Variants in PLB1 observed in about 807,000 individuals in gnomAD.
PLB1 encodes the protein phospholipase B1, membrane-associated.
PLB1 carries 242 observed loss-of-function variants against 227.4 expected under a neutral mutation model. The observed-to-expected ratio is 1.06, with a 90% CI of 0.96 to 1.18. The LOEUF (loss-of-function observed/expected upper bound fraction) is 1.18, where lower values mean the gene tolerates loss of function less well. PLB1 is among the 50% of genes most tolerant of loss of function. The pLI is 0.00. For missense variants in PLB1, 1,858 were observed against 1,816.3 expected (o/e 1.02, Z -0.42); for synonymous variants, 757 against 682.2 (o/e 1.11, Z -1.71).
At chr2:28,543,451 C>T (rs547795951) in intron 14 of PLB1, among the ~76,000 whole-genome samples, 183 bp downstream of exon 14, 23 of 152,314 alleles carry the variant, frequency 1.5e-4, no homozygotes, top group African/African-American at 3.4e-4. Context: ...GACTTTGCCT[C>T]GCCACAGGTT....
intron 25 of PLB1, among the ~76,000 whole-genome samples, chr2:28,582,866 T>G (rs1265973605): frequency 6.6e-6 from 1 of 152,088 alleles, no homozygotes; most frequent in Non-Finnish European, 1.5e-5. Flanking sequence ...TACTTCCAAG[T>G]GTGTCCAGAG....
chr2:28,545,952 G>C (rs1262612769), intron 14 of PLB1, among the ~76,000 whole-genome samples: 4 of 152,142 alleles, frequency 2.6e-5, no homozygotes, highest in South Asian at 4.1e-4. Flanking sequence ...ATAGCTCTCA[G>C]CTCTGCAGCC....
At position 28,534,625 on chromosome 2, in the gene PLB1, G is replaced by A. The variant is rs189293993; in HGVS notation, c.555+2431G>A. Among the ~76,000 whole-genome samples, 1,205 of 152,292 alleles carry A rather than the reference G, an allele frequency of 7.9e-3. 9 individuals are homozygous for A. The highest frequency in any genetic ancestry group is 0.014 in the Middle Eastern group (4 of 294). ...AATCCCAGCACTTTAGGAGGCCGAG[G>A]CAGGTGGATCACAAGGTTAGGAGTT... On this transcript the variant is annotated intron_variant, in intron 9 of 57. Coordinates refer to ENST00000327757, the MANE Select transcript of PLB1 (RefSeq NM_153021.5).
At chr2:28,523,410 C>CT (rs2148184009) in intron 4 of PLB1, among the ~76,000 whole-genome samples, 1 of 140,904 alleles carries the variant, frequency 7.1e-6, no homozygotes, top group African/African-American at 2.6e-5. Flanking sequence ...ACAATTCACT[C>CT]TATCAAATTC....
At chr2:28,595,170 A>G (rs1682701014) in intron 33 of PLB1, 1 of 152,216 alleles carries the variant, frequency 6.6e-6, no homozygotes, top group South Asian at 2.1e-4. Flanking sequence ...CAGCGATGGG[A>G]AAATTCAGCC....
chr2:28,591,671 A>G, intron 30 of PLB1, 29 bp from the exon 31 acceptor site: 1 of 1,611,154 alleles, frequency 6.2e-7, no homozygotes, highest in East Asian at 2.2e-5. Context: ...TTCAACCCTG[A>G]GATTCTGGGA....
chr2:28,498,170 C>T (rs983351365), intron 1 of PLB1, among the ~76,000 whole-genome samples: 8 of 151,738 alleles, frequency 5.3e-5, no homozygotes. Context: ...AAGTCAATCA[C>T]CCTACATCTG....
At chr2:28,554,313 CTA>C (rs1429857979) in intron 17 of PLB1, among the ~76,000 whole-genome samples, 3 of 27,828 alleles carry the variant, frequency 1.1e-4, no homozygotes, top group Admixed American at 2.5e-4. Flanking sequence ...ATATATATGT[CTA>C]TATAGAGAGA....
chr2:28,579,364 T>C (rs1418046977), intron 22 of PLB1, among the ~76,000 whole-genome samples: 1 of 152,178 alleles, frequency 6.6e-6, no homozygotes, highest in African/African-American at 2.4e-5. Flanking sequence ...CTGTATCCAC[T>C]CCCACCAGGA....
intron 20 of PLB1, among the ~76,000 whole-genome samples, chr2:28,572,872 A>G (rs964088555): frequency 1.3e-5 from 2 of 152,250 alleles, no homozygotes; most frequent in African/African-American, 2.4e-5. Context: ...ATTGAACTGT[A>G]TACTTTCAAT....
At chr2:28,555,118 C>T (rs1490750655) in intron 17 of PLB1, among the ~76,000 whole-genome samples, 2 of 147,384 alleles carry the variant, frequency 1.4e-5, no homozygotes, top group Non-Finnish European at 3.0e-5. Flanking sequence ...ATGAAAAATA[C>T]ATTTCATTAT....
rs1308533438 is a variant in PLB1, at chr2:28,620,885, TGAA to T, written c.3439_3441del (p.Lys1147del). ...TCCTCCTCCTCCTCTAAAGACATTC[TGAA>T]GAAGTTCAACCCTTACCTCCTTGGC... On this transcript the variant is annotated inframe_deletion, in exon 49 of 58. Transcript: ENST00000327757. 2 of 1,613,566 alleles carry T rather than the reference TGAA, an allele frequency of 1.2e-6. No homozygotes were observed. The highest frequency in any genetic ancestry group is 2.2e-5 in the South Asian group (2 of 91,062).
chr2:28,590,171 C>A, intron 29 of PLB1, 95 bp downstream of exon 29: 2 of 1,053,864 alleles, frequency 1.9e-6, no homozygotes, highest in Non-Finnish European at 1.5e-6. Flanking sequence ...GCTCTGCCTG[C>A]CCACCCACCC....
intron 32 of PLB1, among the ~76,000 whole-genome samples, 158 bp from the exon 33 acceptor site, chr2:28,593,523 G>C (rs1012054137): frequency 2.0e-5 from 3 of 152,230 alleles, no homozygotes; most frequent in Admixed American, 2.0e-4. Flanking sequence ...CAGCTGGAGA[G>C]GAGGATGGCA....
chr2:28,497,373 T>G (rs1471987691), intron 1 of PLB1, among the ~76,000 whole-genome samples: 1 of 152,204 alleles, frequency 6.6e-6, no homozygotes, highest in Non-Finnish European at 1.5e-5. Context: ...ATCACTTATG[T>G]TTGGCCAAGA....
intron 6 of PLB1, among the ~76,000 whole-genome samples, chr2:28,528,299 G>T (rs1277264940): frequency 2.6e-5 from 4 of 152,156 alleles, no homozygotes; most frequent in South Asian, 2.1e-4. Flanking sequence ...AGGGGAGTTG[G>T]GGGGAGGAGT....
intron 25 of PLB1, among the ~76,000 whole-genome samples, chr2:28,584,008 C>T (rs1356869243): frequency 1.3e-5 from 2 of 152,168 alleles, no homozygotes; most frequent in Admixed American, 6.5e-5. Context: ...TGCAGGTTTT[C>T]CTCTGGACTG....
chr2:28,635,940 G>C (rs1324001952), intron 56 of PLB1, among the ~76,000 whole-genome samples: 1 of 152,146 alleles, frequency 6.6e-6, no homozygotes, highest in Admixed American at 6.5e-5. Flanking sequence ...TCTTAGAATC[G>C]TGACTCTCAG....
chr2:28,547,736 C>T (rs1558727166), intron 14 of PLB1, among the ~76,000 whole-genome samples: 1 of 152,126 alleles, frequency 6.6e-6, no homozygotes, highest in Admixed American at 6.5e-5. Flanking sequence ...AACTGGTTCT[C>T]CAACAGTAGG....
Sources: allele counts gnomAD v4.1 joint callset (sites outside exome capture counted in the v4.1 genomes callset), GRCh38; gene constraint gnomAD v4.1.1; transcripts MANE v1.5; gene names NCBI Gene and HGNC (gene_info 2026-07-23, HGNC 2026-07-21).